The following CFAP61 variants were observed in gnomAD, a reference collection of about 807,000 sequenced individuals.
CFAP61 encodes the protein cilia- and flagella-associated protein 61.
A neutral mutation model predicts 135.6 loss-of-function variants in CFAP61; 107 were observed. The ratio of observed to expected loss-of-function variants is 0.79; its 90% CI spans 0.67 to 0.93. The LOEUF (loss-of-function observed/expected upper bound fraction) is 0.93, where lower values mean the gene tolerates loss of function less well. Among genes scored for constraint, CFAP61 ranks in the 40% least tolerant of loss-of-function variants. CFAP61 has a pLI of 0.00. For missense variants in CFAP61, 1,507 were observed against 1,556.2 expected, an observed-to-expected ratio of 0.97 and a Z score of 0.53; for synonymous variants, 575 against 578.5, an observed-to-expected ratio of 0.99 and a Z score of 0.09.
chr20:20,299,556 T>C (rs757582755), intron 25 of CFAP61, among the ~76,000 whole-genome samples: 51 of 152,224 alleles, frequency 3.4e-4, no homozygotes, highest in African/African-American at 1.2e-4. Flanking sequence ...TCATAGTTTG[T>C]CAGTCCTTGT....
intron 20 of CFAP61, among the ~76,000 whole-genome samples, chr20:20,255,643 C>T (rs775578622): frequency 5.9e-5 from 9 of 152,100 alleles, no homozygotes; most frequent in Non-Finnish European, 1.0e-4. Flanking sequence ...CAGTGCTGTA[C>T]CTCCCAGTAA....
At chr20:20,065,070 G>A (rs1320853863) in intron 2 of CFAP61, among the ~76,000 whole-genome samples, 2 of 152,136 alleles carry the variant, frequency 1.3e-5, no homozygotes, top group African/African-American at 4.8e-5. Flanking sequence ...GAAAGGATGT[G>A]CCACTCAATA....
At chr20:20,171,084 C>T (rs562151351) in intron 13 of CFAP61, among the ~76,000 whole-genome samples, 27 of 152,276 alleles carry the variant, frequency 1.8e-4, no homozygotes, top group African/African-American at 6.3e-4. Flanking sequence ...AATCGGAACC[C>T]AGGCTGTTAG....
At chr20:20,210,020 C>CAA (rs2047520583) in intron 17 of CFAP61, among the ~76,000 whole-genome samples, 1 of 152,164 alleles carries the variant, frequency 6.6e-6, no homozygotes, top group Admixed American at 6.5e-5. Flanking sequence ...CCTGGAGCTA[C>CAA]GTGCTCTCTT....
At position 20,165,928 on chromosome 20, in the gene CFAP61, C is replaced by CA. The variant is rs2053796874; in HGVS notation, c.1206-468dup. 2.6e-5 allele frequency among the ~76,000 whole-genome samples: 4 copies of CA among 152,154 alleles called. No individual in the cohort carries two copies. The South Asian group carries it at 8.3e-4, about 32-fold the overall frequency. On this transcript the variant is annotated intron_variant, in intron 11 of 26. Transcript: ENST00000245957. ...TTGCTTTATATTTCTTTTATCTGTACATTTAAATATGATTGTGCTTAGAGT... is the reference window on the plus strand; with the variant it reads ...TTGCTTTATATTTCTTTTATCTGTACAATTTAAATATGATTGTGCTTAGAGT...
chr20:20,092,096 C>T (rs1358267837), intron 7 of CFAP61, among the ~76,000 whole-genome samples: 1 of 152,212 alleles, frequency 6.6e-6, no homozygotes, highest in Non-Finnish European at 1.5e-5. Context: ...TTCAGGTGCT[C>T]TGTTTCTTCA....
intron 17 of CFAP61, among the ~76,000 whole-genome samples, chr20:20,216,307 C>T (rs1202759208): frequency 6.6e-6 from 1 of 152,210 alleles, no homozygotes; most frequent in Non-Finnish European, 1.5e-5. Flanking sequence ...TTTACACTGA[C>T]GTGTGATGTC....
intron 8 of CFAP61, among the ~76,000 whole-genome samples, chr20:20,113,964 C>T (rs1177647609): frequency 7.4e-5 from 6 of 81,502 alleles, no homozygotes; most frequent in African/African-American, 3.0e-4. Context: ...AACATGAGAG[C>T]TCAAAAAAAA....
intron 13 of CFAP61, among the ~76,000 whole-genome samples, chr20:20,181,276 T>TACACACACAC (rs74180984): frequency 0.055 from 8,016 of 144,480 alleles, 274 homozygotes; most frequent in African/African-American, 0.071. Flanking sequence ...TGTGTATGTA[T>TACACACACAC]ACACACACAC....
chr20:20,277,233 C>T lies in CFAP61; in HGVS notation c.2571C>T (p.Gly857=), dbSNP rs985494587. 1.9e-6 allele frequency: 3 copies of T among 1,613,480 alleles called. No homozygotes were observed. Among genetic ancestry groups the T allele is most frequent in the African/African-American group, 2.7e-5 (2 of 74,930 alleles). ...CCGTGGAGACGCTCTTAAACCTTGG[C>T]GTGAGCGGCAGCCGCATCCACCTCG... ...YTTVETLLNL[G]VSGSRIHLVQ... is the part of the protein sequence containing the mutation. Residue 857 remains glycine (G), a synonymous_variant, in exon 22 of 27, where the codon GGC becomes GGT. Coordinates refer to ENST00000245957, the MANE Select transcript of CFAP61 (RefSeq NM_015585.4).
At position 20,125,465 on chromosome 20, in the gene CFAP61, C is replaced by T. The variant is rs148468258; in HGVS notation, c.860-17392C>T. Among the ~76,000 whole-genome samples the T allele has an allele frequency of 4.1e-3, 625 of 151,798 alleles. 24 individuals are homozygous for T. The highest frequency in any genetic ancestry group is 0.014 in the African/African-American group (596 of 41,168). On this transcript the variant is annotated intron_variant, in intron 8 of 26. Transcript: ENST00000245957. The stretch of plus-strand genomic sequence containing the variant: ...AATTTTTAAATTTCCGTCTTGATTT[C>T]ATTTTTGATGCAATGCTCATTCAGG...
chr20:20,281,424 C>T (rs1375611524), intron 22 of CFAP61, among the ~76,000 whole-genome samples: 1 of 152,108 alleles, frequency 6.6e-6, no homozygotes, highest in African/African-American at 2.4e-5. Context: ...AGTAACCTTC[C>T]ATTCCTAGTT....
rs371256877 is a variant in CFAP61, at chr20:20,298,229, A to G, written c.3265A>G (p.Ile1089Val). The change falls in exon 25 of 27, where the codon ATT (isoleucine) becomes GTT (valine). Residue 1089 changes from isoleucine (I) to valine (V), a missense_variant. Physicochemically the swap from Ile to Val is conservative, Grantham distance 29. Transcript: ENST00000245957. ...TGCGAAAAATGGGACTTACTTCCGA[A>G]TTCATATTAACAAGTATAAAATGGT... ...GSAKNGTYFR[I>V]HINKYKMVET... 1 of 1,614,128 alleles carries G rather than the reference A, an allele frequency of 6.2e-7. No homozygotes were observed. The highest frequency in any genetic ancestry group is 8.5e-7 in the Non-Finnish European group (1 of 1,180,018).
At chr20:20,054,612 G>A (rs1393462983) in intron 1 of CFAP61, among the ~76,000 whole-genome samples, 1 of 152,182 alleles carries the variant, frequency 6.6e-6, no homozygotes, top group Non-Finnish European at 1.5e-5. Context: ...TTGTTACTGT[G>A]CTACAATGGC....
intron 26 of CFAP61, among the ~76,000 whole-genome samples, chr20:20,346,518 C>A (rs370941966): frequency 9.8e-4 from 129 of 131,920 alleles, no homozygotes; most frequent in South Asian, 1.8e-3. Flanking sequence ...AACTCCGTCT[C>A]AAAAAAAAAA....
chr20:20,273,028 C>T (rs2053478010), intron 21 of CFAP61, among the ~76,000 whole-genome samples: 3 of 150,220 alleles, frequency 2.0e-5, no homozygotes, highest in East Asian at 2.0e-4. Context: ...ACTAGAGGTG[C>T]GTGCCATGCT....
At chr20:20,170,519 T>C (rs142054925) in intron 13 of CFAP61, among the ~76,000 whole-genome samples, 147 of 152,328 alleles carry the variant, frequency 9.7e-4, no homozygotes, top group African/African-American at 3.2e-3. Flanking sequence ...ACCTTCTATC[T>C]TATTTTTACA....
chr20:20,184,169 T>G (rs2055327032), intron 13 of CFAP61, among the ~76,000 whole-genome samples: 1 of 152,226 alleles, frequency 6.6e-6, no homozygotes, highest in Admixed American at 6.5e-5. Context: ...AGATGTCCAC[T>G]TATTCTCACT....
intron 8 of CFAP61, among the ~76,000 whole-genome samples, chr20:20,141,277 C>T (rs192323446): frequency 1.3e-5 from 2 of 152,258 alleles, no homozygotes; most frequent in Admixed American, 6.5e-5. Flanking sequence ...TGTAGAAATT[C>T]CCTGAGCTGT....
Sources: gnomAD v4.1 joint callset for allele counts (sites outside exome capture counted in the v4.1 genomes callset) on GRCh38, gnomAD v4.1.1 for gene constraint, MANE v1.5 for transcripts, NCBI Gene and HGNC (gene_info 2026-07-23, HGNC 2026-07-21) for gene names.